The following FHIP1A variants were observed in gnomAD, a reference collection of about 807,000 sequenced individuals.
FHIP1A encodes the protein FHF complex subunit HOOK interacting protein 1A.
In FHIP1A, 61 loss-of-function variants were observed where a neutral mutation model predicts 88.6. The observed-to-expected ratio is 0.69, with a 90% CI of 0.56 to 0.85. FHIP1A has a LOEUF of 0.85. Among genes scored for constraint, FHIP1A ranks in the 40% least tolerant of loss-of-function variants. The probability of loss-of-function intolerance (pLI) is 0.00; values close to 1 mark genes in which losing one functional copy is unlikely to be tolerated. For missense variants in FHIP1A, 1,154 were observed against 1,273.5 expected (o/e 0.91, Z 1.43); for synonymous variants, 478 against 496.0 (o/e 0.96, Z 0.48).
rs559515216 is a variant in FHIP1A at position 151,664,807 on chromosome 4, T to C, written c.*2053T>C. Among the ~76,000 whole-genome samples, 1 of 152,330 alleles carries C rather than the reference T, an allele frequency of 6.6e-6. No individual in the cohort carries two copies. The highest frequency in any genetic ancestry group is 1.9e-4 in the East Asian group (1 of 5,184). Reference sequence around the variant, plus strand: ...CTGTAAATGGAATTCTTTAGCTTTGTAGTTTGATTTACACCTTTCTCCATT... The same window carrying C: ...CTGTAAATGGAATTCTTTAGCTTTGCAGTTTGATTTACACCTTTCTCCATT... On this transcript the variant is annotated 3_prime_UTR_variant, in exon 14 of 14. Coordinates refer to ENST00000435205, the MANE Select transcript of FHIP1A (RefSeq NM_001109977.3).
At chr4:151,517,784 A>C (rs1731299391) in intron 3 of FHIP1A, among the ~76,000 whole-genome samples, 1 of 152,170 alleles carries the variant, frequency 6.6e-6, no homozygotes, top group Non-Finnish European at 1.5e-5. Flanking sequence ...TTAACAAAAA[A>C]GTTTTAAAAT....
chr4:151,623,206 A>C (rs901610851), intron 7 of FHIP1A, among the ~76,000 whole-genome samples: 18 of 152,194 alleles, frequency 1.2e-4, no homozygotes, highest in African/African-American at 4.1e-4. Context: ...GTGGGATTAG[A>C]ATCAGGTTTA....
chr4:151,466,526 A>G (rs186977218), intron 2 of FHIP1A, among the ~76,000 whole-genome samples: 413 of 152,310 alleles, frequency 2.7e-3, no homozygotes, highest in Non-Finnish European at 4.2e-3. Flanking sequence ...TAGCCAAGAC[A>G]ATCCTAAGCA....
At chr4:151,492,718 A>G (rs1730329016) in intron 3 of FHIP1A, among the ~76,000 whole-genome samples, 1 of 152,196 alleles carries the variant, frequency 6.6e-6, no homozygotes, top group African/African-American at 2.4e-5. Context: ...AAATGAAATA[A>G]TCTGCTGCTG....
At chr4:151,519,104 A>G (rs1731361239) in intron 3 of FHIP1A, among the ~76,000 whole-genome samples, 1 of 152,208 alleles carries the variant, frequency 6.6e-6, no homozygotes, top group African/African-American at 2.4e-5. Flanking sequence ...CTCAAATGAA[A>G]TGCGTACATC....
chr4:151,415,760 T>C (rs1732866905), intron 1 of FHIP1A, among the ~76,000 whole-genome samples: 1 of 152,218 alleles, frequency 6.6e-6, no homozygotes, highest in Admixed American at 6.5e-5. Context: ...GACCAGCCAC[T>C]GAAATAAGAG....
chr4:151,648,821 C>T (rs566439515), intron 10 of FHIP1A, among the ~76,000 whole-genome samples: 34 of 151,550 alleles, frequency 2.2e-4, no homozygotes, highest in Admixed American at 7.2e-4. Flanking sequence ...AAGATATTTT[C>T]GCAGCTATTT....
chr4:151,569,035 G>A (rs2126776690), intron 4 of FHIP1A, among the ~76,000 whole-genome samples: 1 of 152,232 alleles, frequency 6.6e-6, no homozygotes, highest in Non-Finnish European at 1.5e-5. Context: ...GTGAGTTGTT[G>A]GGCTGGGGTG....
intron 11 of FHIP1A, among the ~76,000 whole-genome samples, chr4:151,655,660 A>T (rs945999638): frequency 1.3e-5 from 2 of 152,016 alleles, no homozygotes; most frequent in Admixed American, 6.5e-5. Context: ...CCACATTACG[A>T]CACTTGACAA....
chr4:151,459,004 T>C (rs1561504550), intron 2 of FHIP1A, among the ~76,000 whole-genome samples: 1 of 152,180 alleles, frequency 6.6e-6, no homozygotes, highest in South Asian at 2.1e-4. Context: ...TGACTTGTTA[T>C]ACCTTGTAGT....
chr4:151,588,775 GT>G, intron 6 of FHIP1A, 64 bp from the exon 7 acceptor site: 1 of 1,035,904 alleles, frequency 9.7e-7, no homozygotes, highest in Non-Finnish European at 1.5e-6. Flanking sequence ...ACACAGAATT[GT>G]TTTATTTTAA....
chr4:151,646,650 C>A lies in FHIP1A; in HGVS notation c.1319C>A (p.Ala440Asp). Residue 440 changes from alanine (A) to aspartate (D), a missense_variant, in exon 10 of 14, where the codon GCC (alanine) becomes GAC (aspartate). By Grantham distance (126) the Ala-to-Asp change is moderately radical. Coordinates refer to ENST00000435205, the MANE Select transcript of FHIP1A (RefSeq NM_001109977.3). ...CYSVSAAKLL[A>D]LTPVCCSSGI... is the part of the protein sequence containing the mutation. ...TCTGTTTCTGCGGCCAAGCTTCTCG[C>A]CTTGACTCCTGTCTGCTGCTCCAGC... 6.4e-7 allele frequency: 1 copy of A among 1,551,532 alleles called. No individual in the cohort carries two copies. The highest frequency in any genetic ancestry group is 8.7e-7 in the Non-Finnish European group (1 of 1,146,854).
chr4:151,426,957 G>A (rs576296236), intron 1 of FHIP1A, among the ~76,000 whole-genome samples: 2 of 152,210 alleles, frequency 1.3e-5, no homozygotes, highest in South Asian at 2.1e-4. Context: ...AGAAAGCAGA[G>A]CACAGCATTT....
At chr4:151,548,867 C>T (rs1033700778) in intron 3 of FHIP1A, among the ~76,000 whole-genome samples, 5 of 152,280 alleles carry the variant, frequency 3.3e-5, no homozygotes, top group East Asian at 3.9e-4. Flanking sequence ...AAATAGCACT[C>T]GAACATAAAT....
In FHIP1A at chr4:151,535,251, T is replaced by A. The variant is rs79893370; in HGVS notation, c.-122-30887T>A. 7.9e-5 allele frequency among the ~76,000 whole-genome samples: 12 copies of A among 152,268 alleles called. No individual in the cohort carries two copies. The East Asian group carries it at 2.3e-3, about 29-fold the overall frequency. On this transcript the variant is annotated intron_variant, in intron 3 of 13. Transcript: ENST00000435205. ...ATAAAGGAAATTCCTTGCACAGTGT[T>A]TATGACACTGAAAACCTAAAAGCAA... is the stretch of plus-strand genomic sequence containing the variant.
chr4:151,571,560 A>G (rs1733604540), intron 4 of FHIP1A, among the ~76,000 whole-genome samples: 1 of 152,206 alleles, frequency 6.6e-6, no homozygotes, highest in Non-Finnish European at 1.5e-5. Context: ...AGTAGCCCGA[A>G]TCTAAAGTCT....
chr4:151,516,888 G>A (rs1731260278), intron 3 of FHIP1A, among the ~76,000 whole-genome samples: 1 of 151,946 alleles, frequency 6.6e-6, no homozygotes, highest in South Asian at 2.1e-4. Context: ...GTGGAAGTCA[G>A]TGTGGTGATT....
intron 3 of FHIP1A, among the ~76,000 whole-genome samples, chr4:151,492,674 C>T (rs1313732233): frequency 6.6e-6 from 1 of 151,646 alleles, no homozygotes; most frequent in Non-Finnish European, 1.5e-5. Flanking sequence ...AAATTAATTC[C>T]AACAGGAACC....
intron 10 of FHIP1A, 86 bp from the exon 11 acceptor site, chr4:151,649,373 G>T: frequency 1.1e-6 from 1 of 910,366 alleles, no homozygotes. Context: ...GCAAGACACA[G>T]TCTTAGCCCG....
Sources: allele counts gnomAD v4.1 joint callset (sites outside exome capture counted in the v4.1 genomes callset), GRCh38; gene constraint gnomAD v4.1.1; transcripts MANE v1.5; gene names NCBI Gene and HGNC (gene_info 2026-07-23, HGNC 2026-07-21).